The following RBKS variants were observed in gnomAD, a reference collection of about 807,000 sequenced individuals.
RBKS encodes the protein ribokinase.
Under a neutral mutation model 33.9 loss-of-function variants are expected in RBKS, and 33 were observed. That is an observed-to-expected ratio of 0.97 (90% CI 0.74 to 1.30). RBKS has a LOEUF of 1.30. Among genes scored for constraint, RBKS ranks in the 50% most tolerant of loss-of-function variants. The pLI, the probability that RBKS is intolerant of heterozygous loss-of-function variation, is 0.00. For synonymous variants in RBKS, 125 were observed against 143.0 expected (o/e 0.87, Z 0.90); for missense variants, 361 against 392.6 (o/e 0.92, Z 0.68).
chr2:27,812,784 C>A (rs1678010165), intron 7 of RBKS, among the ~76,000 whole-genome samples: 1 of 151,684 alleles, frequency 6.6e-6, no homozygotes, highest in Non-Finnish European at 1.5e-5. Context: ...TGCAGCACAC[C>A]AACATGGCAC....
At chr2:27,788,676 C>T (rs1007800681) in intron 7 of RBKS, among the ~76,000 whole-genome samples, 1 of 152,154 alleles carries the variant, frequency 6.6e-6, no homozygotes, top group Non-Finnish European at 1.5e-5. Flanking sequence ...CACTGCACTC[C>T]AGCCTGGGTA....
intron 1 of RBKS, among the ~76,000 whole-genome samples, chr2:27,884,765 G>A (rs1664494444): frequency 6.6e-6 from 1 of 152,138 alleles, no homozygotes; most frequent in Admixed American, 6.5e-5. Flanking sequence ...ATAACACAGA[G>A]TTTTAGTTGA....
intron 5 of RBKS, among the ~76,000 whole-genome samples, chr2:27,840,154 G>A (rs1208591139): frequency 1.3e-5 from 2 of 151,212 alleles, no homozygotes; most frequent in Non-Finnish European, 2.9e-5. Context: ...CGAGTAGCTG[G>A]GACTACAGGC....
chr2:27,816,020 C>A (rs189270400), intron 7 of RBKS, among the ~76,000 whole-genome samples: 2 of 152,282 alleles, frequency 1.3e-5, no homozygotes, highest in Admixed American at 1.3e-4. Flanking sequence ...CCTCAGGGAG[C>A]CCCTAAGCTG....
intron 1 of RBKS, chr2:27,870,719 G>A: frequency 2.2e-6 from 1 of 454,590 alleles, no homozygotes. Context: ...GATGTGAGTA[G>A]TGAAACCAGA....
In RBKS at chr2:27,861,187, C is replaced by T. The variant is rs571024106; in HGVS notation, c.90-2616G>A. On this transcript the variant is annotated intron_variant, in intron 1 of 7. Coordinates refer to ENST00000302188, the MANE Select transcript of RBKS (RefSeq NM_022128.3). The stretch of plus-strand genomic sequence containing the variant: ...TTCATCATGTTGGCCAGGCTGGTCT[C>T]GAACTTTTGGCCTTAAGTGATCCGC... Among the ~76,000 whole-genome samples the T allele has an allele frequency of 6.6e-5, 10 of 152,146 alleles. No homozygotes were observed. In the East Asian group the frequency reaches 1.9e-3, roughly 29 times the overall value.
intron 7 of RBKS, among the ~76,000 whole-genome samples, chr2:27,797,838 GT>G (rs1299577562): frequency 6.6e-6 from 1 of 152,172 alleles, no homozygotes; most frequent in Non-Finnish European, 1.5e-5. Context: ...TCAGGAGGGG[GT>G]CAACAGGCAA....
At chr2:27,797,388 C>A (rs992722756) in intron 7 of RBKS, among the ~76,000 whole-genome samples, 2 of 152,214 alleles carry the variant, frequency 1.3e-5, no homozygotes, top group African/African-American at 4.8e-5. Context: ...CCTGGGCCAT[C>A]TTTATTTTAC....
At chr2:27,875,947 CA>C (rs926417502) in intron 1 of RBKS, among the ~76,000 whole-genome samples, 2 of 150,820 alleles carry the variant, frequency 1.3e-5, no homozygotes, top group Non-Finnish European at 3.0e-5. Context: ...GGAGACGAAA[CA>C]AAAAAAATAG....
intron 5 of RBKS, among the ~76,000 whole-genome samples, chr2:27,840,111 C>T (rs1663451031): frequency 1.3e-5 from 2 of 151,052 alleles, no homozygotes; most frequent in Admixed American, 1.3e-4. Flanking sequence ...GTTCCGCCTC[C>T]TGGGTTCACA....
intron 7 of RBKS, among the ~76,000 whole-genome samples, chr2:27,824,437 T>C (rs1678275652): frequency 6.6e-6 from 1 of 152,208 alleles, no homozygotes; most frequent in African/African-American, 2.4e-5. Context: ...TATCTATGGA[T>C]TGATCTATTC....
chr2:27,821,922 C>T (rs1230053066), intron 7 of RBKS, among the ~76,000 whole-genome samples: 1 of 152,144 alleles, frequency 6.6e-6, no homozygotes, highest in Non-Finnish European at 1.5e-5. Context: ...TGCCAGTAAA[C>T]AGTAAGGGAC....
intron 5 of RBKS, among the ~76,000 whole-genome samples, chr2:27,842,111 T>C (rs1663524487): frequency 1.3e-5 from 2 of 152,266 alleles, no homozygotes; most frequent in Admixed American, 6.5e-5. Flanking sequence ...CAGGTAATTC[T>C]GCTAGGACCA....
In RBKS at chr2:27,827,762, T is replaced by A; in HGVS notation, c.607-7A>T. ...GGCCAGTTAAAATCTCAGCCTAGAATACACAAAAGTCAACAGAAACAGTGG... is the reference window on the plus strand; with the variant it reads ...GGCCAGTTAAAATCTCAGCCTAGAAAACACAAAAGTCAACAGAAACAGTGG... On this transcript the variant is annotated splice_polypyrimidine_tract_variant and splice_region_variant and intron_variant, in intron 6 of 7. Transcript: ENST00000302188. 1.3e-6 allele frequency: 2 copies of A among 1,569,240 alleles called. No individual in the cohort carries two copies. The highest frequency in any genetic ancestry group is 4.6e-5 in the East Asian group (2 of 43,508).
At chr2:27,870,635 G>A (rs1420920201) in intron 1 of RBKS, 2 of 373,468 alleles carry the variant, frequency 5.4e-6, no homozygotes, top group Non-Finnish European at 1.1e-5. Context: ...AAGTTCAGGT[G>A]ACATTTTTTG....
chr2:27,800,049 CTTTTTTTTT>C (rs35932747), intron 7 of RBKS, among the ~76,000 whole-genome samples: 1 of 112,370 alleles, frequency 8.9e-6, no homozygotes, highest in Non-Finnish European at 1.8e-5. Context: ...TGTTAGGTGT[CTTTTTTTTT>C]TTTTTTTTTT....
intron 4 of RBKS, among the ~76,000 whole-genome samples, chr2:27,844,090 T>A (rs1169571401): frequency 6.6e-6 from 1 of 152,032 alleles, no homozygotes; most frequent in Admixed American, 6.6e-5. Context: ...TGAAAACCCA[T>A]CTCTACTAAA....
In RBKS at chr2:27,861,670, G is replaced by T. The variant is rs995228781; in HGVS notation, c.90-3099C>A. On this transcript the variant is annotated intron_variant, in intron 1 of 7. Transcript: ENST00000302188. Reference sequence around the variant, plus strand: ...GTATGTTCCATTTCTTTTTGGGGGGGGGGTGGAGTCTCACTTTGTCTCCCA... The same window carrying T: ...GTATGTTCCATTTCTTTTTGGGGGGTGGGTGGAGTCTCACTTTGTCTCCCA... The T allele has an allele frequency of 7.0e-6, 3 of 427,830 alleles. 1 individual carries two copies. The highest frequency in any genetic ancestry group is 3.5e-5 in the South Asian group (2 of 57,888). The allele number at this position is 427,830 out of a possible 1,614,324, so 26.5% of individuals were successfully genotyped here.
In RBKS at chr2:27,890,089, C is replaced by T. The variant is rs1233614542; in HGVS notation, c.89+168G>A. ...AGATTTACCTTTATATACTCAAGTT[C>T]TTTCATGCCAGGAAGGTAGGCTGAA... On this transcript the variant is annotated intron_variant, in intron 1 of 7. Transcript: ENST00000302188. This position sits in a 1 kb window ranked among gnomAD's most constrained non-coding sequence, Gnocchi z 4.8. The T allele has an allele frequency of 6.7e-6, 4 of 601,414 alleles. No individual in the cohort carries two copies. In the South Asian group the frequency reaches 8.1e-5, roughly 12 times the overall value. The allele number at this position is 601,414 out of a possible 1,614,324, so 37.3% of individuals were successfully genotyped here. A position where few individuals can be genotyped will look rare whatever the true frequency, so the allele number is the denominator to read the frequency against.
Sources: allele counts gnomAD v4.1 joint callset (sites outside exome capture counted in the v4.1 genomes callset), GRCh38; gene constraint gnomAD v4.1.1; non-coding constraint Gnocchi (gnomAD v3.1); transcripts MANE v1.5; gene names NCBI Gene and HGNC (gene_info 2026-07-23, HGNC 2026-07-21).